Variants in STK4 observed in about 807,000 individuals in gnomAD.
The protein encoded by STK4 is serine/threonine kinase 4, also known as serine/threonine-protein kinase 4.
In STK4, 30 loss-of-function variants were observed where a neutral mutation model predicts 64.9. The ratio of observed to expected loss-of-function variants is 0.46; its 90% CI spans 0.35 to 0.63. The LOEUF (loss-of-function observed/expected upper bound fraction) is 0.63, where lower values mean the gene tolerates loss of function less well. Ranked by LOEUF, STK4 falls within the 20% of genes least tolerant of loss-of-function variation. STK4 has a pLI of 0.01. For missense variants in STK4, 466 were observed against 598.5 expected, an observed-to-expected ratio of 0.78 and a Z score of 2.31; for synonymous variants, 177 against 199.0, an observed-to-expected ratio of 0.89 and a Z score of 0.93.
chr20:45,032,382 A>C (rs1331861702), intron 10 of STK4, among the ~76,000 whole-genome samples: 1 of 152,140 alleles, frequency 6.6e-6, no homozygotes, highest in Non-Finnish European at 1.5e-5. Flanking sequence ...GGTAATAAGC[A>C]TAGTAACCCA....
intron 10 of STK4, among the ~76,000 whole-genome samples, chr20:45,030,695 T>C (rs182332333): frequency 7.7e-4 from 117 of 152,340 alleles, no homozygotes; most frequent in African/African-American, 2.6e-3. Context: ...TACATAGTGA[T>C]TAAAATATAA....
intron 9 of STK4, among the ~76,000 whole-genome samples, chr20:45,008,346 C>T (rs918563659): frequency 1.1e-4 from 16 of 152,164 alleles, no homozygotes; most frequent in African/African-American, 3.4e-4. Context: ...TTAGCCACTG[C>T]GCCTGGCCTA....
chr20:44,983,827 G>A (rs918379264), intron 4 of STK4, among the ~76,000 whole-genome samples: 2 of 152,102 alleles, frequency 1.3e-5, no homozygotes, highest in African/African-American at 4.8e-5. Flanking sequence ...CAAATTATAA[G>A]GTGAGGGTGT....
intron 10 of STK4, among the ~76,000 whole-genome samples, chr20:45,042,172 G>A (rs900229038): frequency 5.9e-5 from 9 of 152,032 alleles, no homozygotes; most frequent in East Asian, 1.9e-4. Context: ...CTATAGCCAC[G>A]CTTTTGAATT....
chr20:45,010,137 C>T (rs775047401), intron 9 of STK4, among the ~76,000 whole-genome samples: 1 of 151,966 alleles, frequency 6.6e-6, no homozygotes, highest in Non-Finnish European at 1.5e-5. Flanking sequence ...GGTGCGATCT[C>T]GGCTTATTGC....
chr20:45,023,192 T>C (rs2068279763), intron 9 of STK4, among the ~76,000 whole-genome samples: 1 of 152,186 alleles, frequency 6.6e-6, no homozygotes, highest in Non-Finnish European at 1.5e-5. Flanking sequence ...TACTTGCTGA[T>C]TGGTCCTAGC....
intron 2 of STK4, among the ~76,000 whole-genome samples, chr20:44,976,961 C>T (rs1430920926): frequency 6.6e-6 from 1 of 152,150 alleles, no homozygotes; most frequent in African/African-American, 2.4e-5. Context: ...AAGTCTTTCC[C>T]AGAAACCTTT....
intron 10 of STK4, among the ~76,000 whole-genome samples, chr20:45,044,021 T>A (rs1292208995): frequency 1.3e-5 from 2 of 152,212 alleles, no homozygotes; most frequent in African/African-American, 4.8e-5. Context: ...AACAAAGGAA[T>A]TAAAACTATT....
At chr20:45,072,531 G>A (rs1237814113) in intron 10 of STK4, among the ~76,000 whole-genome samples, 2 of 152,028 alleles carry the variant, frequency 1.3e-5, no homozygotes, top group African/African-American at 4.8e-5. Context: ...TAAAATGTAA[G>A]CTTCACAAGG....
rs745440046 is a variant in STK4, at chr20:45,074,983, C to T, written c.1306-35C>T. 6.9e-5 allele frequency: 111 copies of T among 1,612,802 alleles called. No homozygotes were observed. The Admixed American group carries it at 1.1e-3, about 16-fold the overall frequency. On this transcript the variant is annotated intron_variant, in intron 10 of 10. Coordinates refer to ENST00000372806, the MANE Select transcript of STK4 (RefSeq NM_006282.5). Reference sequence around the variant, plus strand: ...TGCACTGTTCTGCCACTGACTTAAGCTTTGTCGTGACTATACCTTCCACTT... The same window carrying T: ...TGCACTGTTCTGCCACTGACTTAAGTTTTGTCGTGACTATACCTTCCACTT...
chr20:45,005,699 A>T (rs74912296), intron 9 of STK4, among the ~76,000 whole-genome samples: 3,310 of 150,990 alleles, frequency 0.022, 45 homozygotes, highest in Non-Finnish European at 0.034. Flanking sequence ...CATTATTTAG[A>T]GTCAATACAA....
chr20:45,043,521 T>C (rs1366937473), intron 10 of STK4, among the ~76,000 whole-genome samples: 2 of 152,192 alleles, frequency 1.3e-5, no homozygotes, highest in Non-Finnish European at 2.9e-5. Context: ...AATGAAGTAA[T>C]ACTAGAACCC....
intron 5 of STK4, among the ~76,000 whole-genome samples, chr20:44,993,747 G>C (rs1020934796): frequency 6.6e-6 from 1 of 152,228 alleles, no homozygotes; most frequent in Non-Finnish European, 1.5e-5. Flanking sequence ...GGGAGGCCGA[G>C]GCAGGTGGAT....
chr20:44,984,345 C>T (rs1447800657), intron 4 of STK4, among the ~76,000 whole-genome samples: 5 of 151,490 alleles, frequency 3.3e-5, no homozygotes, highest in Non-Finnish European at 5.9e-5. Flanking sequence ...CTAGTACAGG[C>T]GCCCGCCACC....
chr20:44,996,179 TG>T (rs2067726521), intron 6 of STK4, among the ~76,000 whole-genome samples: 1 of 152,264 alleles, frequency 6.6e-6, no homozygotes, highest in Non-Finnish European at 1.5e-5. Flanking sequence ...CCTCTTCATC[TG>T]GAGGCTGTGT....
intron 10 of STK4, among the ~76,000 whole-genome samples, chr20:45,073,545 C>A (rs1015594104): frequency 6.6e-6 from 1 of 152,024 alleles, no homozygotes; most frequent in Non-Finnish European, 1.5e-5. Flanking sequence ...AGGAAAGGGC[C>A]GAGGATCATG....
intron 10 of STK4, among the ~76,000 whole-genome samples, chr20:45,041,332 CAA>C (rs1046629921): frequency 2.0e-5 from 3 of 150,910 alleles, no homozygotes; most frequent in African/African-American, 7.4e-5. Flanking sequence ...CACGCACAGA[CAA>C]ATACATGTAT....
intron 10 of STK4, among the ~76,000 whole-genome samples, chr20:45,055,967 A>G (rs1334766511): frequency 6.6e-6 from 1 of 152,152 alleles, no homozygotes; most frequent in East Asian, 1.9e-4. Flanking sequence ...TCCTGACCTC[A>G]TGATCTGCCT....
intron 10 of STK4, among the ~76,000 whole-genome samples, chr20:45,069,325 C>G (rs559537284): frequency 6.6e-6 from 1 of 152,202 alleles, no homozygotes; most frequent in Non-Finnish European, 1.5e-5. Flanking sequence ...GCAAAACCCA[C>G]CTTCAGTAGC....
Sources: allele counts gnomAD v4.1 joint callset (sites outside exome capture counted in the v4.1 genomes callset), GRCh38; gene constraint gnomAD v4.1.1; transcripts MANE v1.5; gene names NCBI Gene and HGNC (gene_info 2026-07-23, HGNC 2026-07-21).